Variants in ANKRD24 observed in about 807,000 individuals in gnomAD.
ANKRD24 encodes the protein ankyrin repeat domain 24.
A neutral mutation model predicts 127.8 loss-of-function variants in ANKRD24; 109 were observed. That is an observed-to-expected ratio of 0.85 (90% confidence interval 0.73 to 1.00). The LOEUF (loss-of-function observed/expected upper bound fraction) is 1.00, where lower values mean the gene tolerates loss of function less well. Ranked by LOEUF, ANKRD24 falls within the 50% of genes least tolerant of loss-of-function variation. The probability of loss-of-function intolerance (pLI) is 0.00; values close to 1 mark genes in which losing one functional copy is unlikely to be tolerated. For missense variants in ANKRD24, 1,648 were observed against 1,570.2 expected, an observed-to-expected ratio of 1.05 and a Z score of -0.84; for synonymous variants, 743 against 671.1, an observed-to-expected ratio of 1.11 and a Z score of -1.66.
chr19:4,199,938 CG>C lies in ANKRD24; in HGVS notation c.190del (p.Val64TrpfsTer15). The C allele has an allele frequency of 6.4e-7, 1 of 1,566,610 alleles. No individual in the cohort carries two copies. The highest frequency in any genetic ancestry group is 2.4e-5 in the East Asian group (1 of 41,856). ...LQAVENNDAP[R>X]VAALIARKGL... Reference sequence around the variant, plus strand: ...AGCCGTGGAAAACAACGATGCACCTCGGGTGGCCGCCCTCATCGCCCGCAAG... The same window carrying C: ...AGCCGTGGAAAACAACGATGCACCTCGGTGGCCGCCCTCATCGCCCGCAAG... On this transcript the variant is annotated frameshift_variant, in exon 4 of 22. Coordinates refer to ENST00000318934, the MANE Select transcript of ANKRD24 (RefSeq NM_001393985.1). LOFTEE classifies it high-confidence loss of function. This position sits in a 1 kb window ranked among gnomAD's most constrained non-coding sequence, Gnocchi z 5.2.
chr19:4,198,353 A>T lies in ANKRD24; in HGVS notation c.37-1330A>T. ...AGGGGGCGGCACCAGGGAGGGCGGGACCGGGCGGGCGGGCGGGGCGGGGAG... is the reference window on the plus strand; with the variant it reads ...AGGGGGCGGCACCAGGGAGGGCGGGTCCGGGCGGGCGGGCGGGGCGGGGAG... On this transcript the variant is annotated intron_variant, in intron 2 of 21. Transcript: ENST00000318934. This position sits in a 1 kb window ranked among gnomAD's most constrained non-coding sequence, Gnocchi z 6.1. The T allele has an allele frequency of 1.2e-5, 1 of 81,644 alleles. No homozygotes were observed. The highest frequency in any genetic ancestry group is 2.3e-5 in the Non-Finnish European group (1 of 43,996). 5.1% of individuals were successfully genotyped at this position (81,644 alleles called of 1,614,324 possible).
At chr19:4,202,119 C>T (rs762000601) in intron 6 of ANKRD24, 29 bp downstream of exon 6, 5 of 1,601,472 alleles carry the variant, frequency 3.1e-6, no homozygotes, top group South Asian at 2.2e-5. Flanking sequence ...TCAGCTACTC[C>T]CTTGGCCCCT....
intron 19 of ANKRD24, among the ~76,000 whole-genome samples, chr19:4,221,381 TTTTGTTTGTTTGTTTG>T (rs79520023): frequency 1.3e-5 from 2 of 151,418 alleles, no homozygotes; most frequent in African/African-American, 4.9e-5. Context: ...TTTTTTTTGC[TTTTGTTTGTTTGTTTG>T]TTTGTTTGTT....
chr19:4,208,846 A>G, intron 11 of ANKRD24, 45 bp downstream of exon 11: 1 of 1,588,838 alleles, frequency 6.3e-7, no homozygotes, highest in South Asian at 1.1e-5. Context: ...CCCTGCATCC[A>G]CACTAACTTC....
At chr19:4,203,430 T>C (rs1969207038) in intron 7 of ANKRD24, among the ~76,000 whole-genome samples, 1 of 151,974 alleles carries the variant, frequency 6.6e-6, no homozygotes, top group African/African-American at 2.4e-5. Context: ...CACTGCATCC[T>C]TGACCTCCCG....
At chr19:4,194,518 C>A (rs957077367) in intron 2 of ANKRD24, among the ~76,000 whole-genome samples, 2 of 152,100 alleles carry the variant, frequency 1.3e-5, no homozygotes, top group Non-Finnish European at 1.5e-5. Flanking sequence ...GCTTTTCTCT[C>A]CCCCCTCCAA....
Position 4,221,044 on chromosome 19 carries a change from C to T in ANKRD24, c.3171+1286C>T, listed in dbSNP as rs537915331. Among the ~76,000 whole-genome samples, 3 of 151,864 alleles carry T rather than the reference C, an allele frequency of 2.0e-5. 1 individual carries two copies. The South Asian group carries it at 6.3e-4, about 32-fold the overall frequency. On this transcript the variant is annotated intron_variant, in intron 19 of 21. Transcript: ENST00000318934. ...CCTGAGTAGCCAGGACTACAGGTTA[C>T]AGGTGTGTGCCATCATGCCTGGCTA...
intron 2 of ANKRD24, among the ~76,000 whole-genome samples, chr19:4,193,297 CAAA>C (rs71166975): frequency 3.3e-5 from 3 of 90,722 alleles, no homozygotes; most frequent in Admixed American, 1.3e-4. Context: ...GCGACTCCAT[CAAA>C]AAAAAAAAAA....
intron 1 of ANKRD24, among the ~76,000 whole-genome samples, chr19:4,183,879 G>C (rs1967890519): frequency 6.6e-6 from 1 of 152,130 alleles, no homozygotes; most frequent in South Asian, 2.1e-4. Flanking sequence ...TTGCACTCCA[G>C]CCTGGGCAAC....
At chr19:4,215,951 G>A (rs1185134439) in intron 15 of ANKRD24, 27 bp from the exon 16 acceptor site, 6 of 1,559,096 alleles carry the variant, frequency 3.8e-6, no homozygotes, top group Admixed American at 1.9e-5. Flanking sequence ...GCAGAACCCC[G>A]AGCTGGACTC....
intron 6 of ANKRD24, 135 bp from the exon 7 acceptor site, chr19:4,202,734 T>C: frequency 2.2e-6 from 2 of 890,366 alleles, no homozygotes; most frequent in Non-Finnish European, 3.6e-6. Flanking sequence ...CCAATTTTCA[T>C]GAAAATGGAG....
chr19:4,202,755 G>A (rs750761174), intron 6 of ANKRD24, 114 bp from the exon 7 acceptor site: 88 of 1,091,958 alleles, frequency 8.1e-5, no homozygotes, highest in East Asian at 5.4e-4. Flanking sequence ...TCCCTTGGGG[G>A]CCACGGAAGG....
At chr19:4,207,198 A>C (rs764589044) in intron 7 of ANKRD24, 44 bp from the exon 8 acceptor site, 5 of 1,581,856 alleles carry the variant, frequency 3.2e-6, no homozygotes, top group Non-Finnish European at 4.3e-6. Context: ...TGCTGGGATT[A>C]CAGGGTTGAG....
rs184878299 is a variant in ANKRD24, at chr19:4,195,185, G to C, written c.37-4498G>C. 1.3e-5 allele frequency among the ~76,000 whole-genome samples: 2 copies of C among 152,082 alleles called. No individual in the cohort carries two copies. The highest frequency in any genetic ancestry group is 4.1e-4 in the South Asian group (2 of 4,822). On this transcript the variant is annotated intron_variant, in intron 2 of 21. Coordinates refer to ENST00000318934, the MANE Select transcript of ANKRD24 (RefSeq NM_001393985.1). The surrounding 1 kb of genome is among the most constrained non-coding windows in gnomAD (Gnocchi z 4.2). ...CCTCCCGGGTGCACGCCATTCTCCT[G>C]CCTCAGTCTCCCGAGTAGCTGGGAC...
intron 2 of ANKRD24, among the ~76,000 whole-genome samples, chr19:4,187,432 AAAAGG>A (rs141562109): frequency 0.018 from 2,681 of 151,756 alleles, 80 homozygotes; most frequent in African/African-American, 0.062. Context: ...AAAAAAAAGA[AAAAGG>A]GAAGGGGAGT....
At chr19:4,186,569 C>T (rs1238271999) in intron 2 of ANKRD24, 108 bp downstream of exon 2, 6 of 1,273,144 alleles carry the variant, frequency 4.7e-6, no homozygotes, top group Non-Finnish European at 6.7e-6. Context: ...ACCTCTTCTC[C>T]TTTCCTCTCT....
intron 2 of ANKRD24, among the ~76,000 whole-genome samples, chr19:4,193,006 G>A (rs1049113918): frequency 6.6e-6 from 1 of 150,448 alleles, no homozygotes; most frequent in Non-Finnish European, 1.5e-5. Flanking sequence ...TAGTATCTTA[G>A]GTGGTGATAA....
Position 4,224,482 on chromosome 19 carries a change from A to C in ANKRD24, c.3418A>C (p.Arg1140=), listed in dbSNP as rs369037926. The C allele has an allele frequency of 1.8e-4, 287 of 1,611,582 alleles. 3 individuals are homozygous for C. The highest frequency in any genetic ancestry group is 1.7e-3 in the Admixed American group (99 of 59,698). ...RILSQILQMQ[R]LQAQGR ...TCTCAGCCAGATTCTGCAGATGCAG[A>C]GACTCCAGGCTCAGGGCCGCTGAGA... The change falls in exon 22 of 22, where the codon AGA becomes CGA. Residue 1140 remains arginine (R), a synonymous_variant. Transcript: ENST00000318934.
chr19:4,203,003 T>C, intron 7 of ANKRD24, 77 bp downstream of exon 7: 1 of 1,199,308 alleles, frequency 8.3e-7, no homozygotes, highest in Non-Finnish European at 1.2e-6. Flanking sequence ...CCCAGGGCCC[T>C]AGGGACCTGA....
Sources: allele counts gnomAD v4.1 joint callset (sites outside exome capture counted in the v4.1 genomes callset), GRCh38; gene constraint gnomAD v4.1.1; non-coding constraint Gnocchi (gnomAD v3.1); transcripts MANE v1.5; gene names NCBI Gene and HGNC (gene_info 2026-07-23, HGNC 2026-07-21).